The following INTS8 variants were observed in gnomAD, a reference collection of about 807,000 sequenced individuals.
INTS8 encodes the protein protein kaonashi-1.
Under a neutral mutation model 138.9 loss-of-function variants are expected in INTS8, and 47 were observed. That is an observed-to-expected ratio of 0.34 (90% CI 0.27 to 0.43). The LOEUF (loss-of-function observed/expected upper bound fraction) is 0.43. Among genes scored for constraint, INTS8 ranks in the 20% least tolerant of loss-of-function variants. The pLI, the probability that INTS8 is intolerant of heterozygous loss-of-function variation, is 1.00. For synonymous variants in INTS8, 392 were observed against 400.9 expected (o/e 0.98, Z 0.27); for missense variants, 996 against 1,173.0 (o/e 0.85, Z 2.20).
At position 94,856,948 on chromosome 8, in the gene INTS8, G is replaced by C; in HGVS notation, c.1924G>C (p.Val642Leu). The C allele has an allele frequency of 1.2e-6, 2 of 1,614,032 alleles. No individual in the cohort carries two copies. Among genetic ancestry groups the C allele is most frequent in the Non-Finnish European group, 1.7e-6 (2 of 1,179,986 alleles). The part of the protein sequence containing the change: ...ERPPSDLISR[V>L]RGYLEMRLPD... Reference sequence around the variant, plus strand: ...ACCGCCATCCGACCTTATAAGTAGAGTACGAGGCTATCTGGAAATGAGGCT... The same window carrying C: ...ACCGCCATCCGACCTTATAAGTAGACTACGAGGCTATCTGGAAATGAGGCT... The change falls in exon 15 of 27, where the codon GTA (valine) becomes CTA (leucine). Residue 642 changes from valine to leucine, a missense_variant. By Grantham distance (32) the Val-to-Leu change is conservative. Coordinates refer to ENST00000523731, the MANE Select transcript of INTS8 (RefSeq NM_017864.4).
chr8:94,872,447 T>C (rs553401220), intron 21 of INTS8, among the ~76,000 whole-genome samples: 1 of 152,354 alleles, frequency 6.6e-6, no homozygotes, highest in African/African-American at 2.4e-5. Flanking sequence ...TTGGCCAGGC[T>C]GATCTTGAAC....
chr8:94,858,464 G>A (rs758303991), intron 15 of INTS8, among the ~76,000 whole-genome samples: 8 of 152,198 alleles, frequency 5.3e-5, no homozygotes, highest in Non-Finnish European at 1.0e-4. Flanking sequence ...GATGCATGCT[G>A]CTGTATACAT....
At position 94,881,636 on chromosome 8, in the gene INTS8, T is replaced by G. The variant is rs138035191; in HGVS notation, c.*1402T>G. 25 of 1,613,094 alleles carry G rather than the reference T, an allele frequency of 1.5e-5. No homozygotes were observed. The highest frequency in any genetic ancestry group is 3.4e-5 in the Admixed American group (2 of 59,610). On this transcript the variant is annotated 3_prime_UTR_variant, in exon 27 of 27. Transcript: ENST00000523731. ...TTGTTTGCTTAGTTATCTTCTTTAG[T>G]GTTTTCCTGGTGGTTTTTCAGTGCT...
In INTS8 at chr8:94,874,579, T is replaced by C; in HGVS notation, c.2665T>C (p.Ser889Pro). The change falls in exon 23 of 27, where the codon TCT becomes CCT. Residue 889 changes from serine (S) to proline (P), a missense_variant. Coordinates refer to ENST00000523731, the MANE Select transcript of INTS8 (RefSeq NM_017864.4). The part of the protein sequence containing the change: ...QVIKRMIKCC[S>P]LLNCHTQVAI... ...AATAAAACGAATGATAAAATGTTGTTCTTTGCTGAATTGCCACACACAGGT... is the reference window on the plus strand; with the variant it reads ...AATAAAACGAATGATAAAATGTTGTCCTTTGCTGAATTGCCACACACAGGT... 1 of 1,586,648 alleles carries C rather than the reference T, an allele frequency of 6.3e-7. No homozygotes were observed. The highest frequency in any genetic ancestry group is 8.7e-7 in the Non-Finnish European group (1 of 1,155,680).
intron 14 of INTS8, among the ~76,000 whole-genome samples, chr8:94,856,133 C>T (rs991689469): frequency 6.6e-5 from 10 of 152,132 alleles, no homozygotes; most frequent in African/African-American, 2.4e-4. Flanking sequence ...AAGAAAAGGG[C>T]AATACATAGC....
chr8:94,850,135 C>G (rs766801781), intron 12 of INTS8, 44 bp downstream of exon 12: 2 of 1,351,962 alleles, frequency 1.5e-6, no homozygotes, highest in South Asian at 2.8e-5. Context: ...CATGTTTTGC[C>G]CCTCTATTCA....
At chr8:94,861,851 C>T (rs543613763) in intron 16 of INTS8, among the ~76,000 whole-genome samples, 7 of 150,018 alleles carry the variant, frequency 4.7e-5, no homozygotes, top group Admixed American at 1.3e-4. Flanking sequence ...GCGCCCGGCC[C>T]GGCCCTTTTT....
Position 94,841,567 on chromosome 8 carries a change from A to G in INTS8, c.1094A>G (p.Glu365Gly). The G allele has an allele frequency of 6.3e-7, 1 of 1,598,586 alleles. No homozygotes were observed. The highest frequency in any genetic ancestry group is 8.5e-7 in the Non-Finnish European group (1 of 1,170,818). ...PVQFRQSVLR[E>G]LFKKAQQGNE... ...CAGTTCCGACAGTCAGTCCTAAGAG[A>G]ACTCTTTAAGAAAGCTCAACAGGGG... Residue 365 changes from glutamate to glycine, a missense_variant, in exon 9 of 27, where the codon GAA (glutamate) becomes GGA (glycine). Transcript: ENST00000523731.
chr8:94,827,903 G>A (rs1055420259), intron 4 of INTS8, 110 bp downstream of exon 4: 7 of 886,806 alleles, frequency 7.9e-6, no homozygotes, highest in African/African-American at 3.3e-5. Context: ...AGGAATAGGA[G>A]GGCAGAAGGC....
intron 15 of INTS8, among the ~76,000 whole-genome samples, chr8:94,858,639 C>T (rs1460752698): frequency 6.6e-6 from 1 of 152,192 alleles, no homozygotes; most frequent in Non-Finnish European, 1.5e-5. Flanking sequence ...TGTGAAGTAG[C>T]TACTGTTTCC....
chr8:94,835,385 A>G (rs758088302), intron 6 of INTS8, among the ~76,000 whole-genome samples: 5 of 152,028 alleles, frequency 3.3e-5, no homozygotes, highest in Non-Finnish European at 4.4e-5. Context: ...CATACAAATT[A>G]TTTTCTTTTT....
In INTS8 at chr8:94,824,888, C is replaced by T. The variant is rs769673820; in HGVS notation, c.131-5C>T. The T allele has an allele frequency of 3.2e-6, 5 of 1,580,494 alleles. No individual in the cohort carries two copies. In the East Asian group the frequency reaches 9.1e-5, roughly 29 times the overall value. ...TTTAAGAATTTATTTTCTTTTAAAC[C>T]CTAGATCCTGCACCAGTTCAACTTA... On this transcript the variant is annotated splice_polypyrimidine_tract_variant and splice_region_variant and intron_variant, in intron 1 of 26. Transcript: ENST00000523731.
intron 16 of INTS8, among the ~76,000 whole-genome samples, chr8:94,860,949 C>T (rs1330026655): frequency 1.3e-5 from 2 of 148,876 alleles, no homozygotes; most frequent in Middle Eastern, 3.3e-3. Flanking sequence ...CCCAGCTACT[C>T]GGGAGGCTGA....
In INTS8 at chr8:94,867,197, G is replaced by A. The variant is rs763020883; in HGVS notation, c.2352+1G>A. 1.9e-6 allele frequency: 3 copies of A among 1,607,838 alleles called. No individual in the cohort carries two copies. Among genetic ancestry groups the A allele is most frequent in the Non-Finnish European group, 2.6e-6 (3 of 1,176,344 alleles). ...CTTTGTGAAACTTCACAATGTTCGG[G>A]TAAGTATTTCATAATTTCATTTAGA... On this transcript the variant is annotated splice_donor_variant, in intron 19 of 26. Coordinates refer to ENST00000523731, the MANE Select transcript of INTS8 (RefSeq NM_017864.4). LOFTEE classifies it high-confidence loss of function.
intron 1 of INTS8, among the ~76,000 whole-genome samples, chr8:94,823,854 C>G (rs773813182): frequency 1.3e-5 from 2 of 152,298 alleles, no homozygotes; most frequent in Non-Finnish European, 2.9e-5. Context: ...TTAGAGGCTG[C>G]GAGGCGGGTC....
rs149807637 is a variant in INTS8 at position 94,827,354 on chromosome 8, G to A, written c.397G>A (p.Ala133Thr). 3.7e-6 allele frequency: 6 copies of A among 1,613,944 alleles called. No individual in the cohort carries two copies. Among genetic ancestry groups the A allele is most frequent in the Non-Finnish European group, 4.2e-6 (5 of 1,179,940 alleles). Residue 133 changes from alanine (A) to threonine (T), a missense_variant, in exon 3 of 27, where the codon GCC becomes ACC. Ala to Thr is a moderately conservative substitution (Grantham distance 58, BLOSUM62 0). Transcript: ENST00000523731. ...PGTKHVDMDL[A>T]TLPPTTAMAV... ...GACAAAGCATGTAGACATGGATCTGGCCACTTTACCTCCGACCACTGCCAT... is the reference window on the plus strand; with the variant it reads ...GACAAAGCATGTAGACATGGATCTGACCACTTTACCTCCGACCACTGCCAT...
At chr8:94,872,046 C>A in intron 21 of INTS8, 44 bp downstream of exon 21, 1 of 901,728 alleles carries the variant, frequency 1.1e-6, no homozygotes, top group Non-Finnish European at 1.8e-6. Context: ...TTTTATAGCA[C>A]TTTTTGAAGT....
intron 5 of INTS8, among the ~76,000 whole-genome samples, chr8:94,830,049 C>G (rs571965797): frequency 6.6e-6 from 1 of 152,298 alleles, no homozygotes; most frequent in South Asian, 2.1e-4. Context: ...GCACTTGCCA[C>G]CATGCCCAGC....
intron 6 of INTS8, among the ~76,000 whole-genome samples, chr8:94,832,933 C>T (rs545475889): frequency 5.3e-5 from 8 of 151,844 alleles, no homozygotes; most frequent in Non-Finnish European, 8.8e-5. Context: ...GGATTACAGG[C>T]GTGAGCCACC....
Sources: gnomAD v4.1 joint callset for allele counts (sites outside exome capture counted in the v4.1 genomes callset) on GRCh38, gnomAD v4.1.1 for gene constraint, MANE v1.5 for transcripts, NCBI Gene and HGNC (gene_info 2026-07-23, HGNC 2026-07-21) for gene names.